The following VAV3 variants were observed in gnomAD, a reference collection of about 807,000 sequenced individuals.
The protein encoded by VAV3 is guanine nucleotide exchange factor VAV3.
VAV3 carries 94 observed loss-of-function variants against 131.2 expected under a neutral mutation model. The observed-to-expected ratio is 0.72, with a 90% confidence interval of 0.61 to 0.85. The LOEUF (loss-of-function observed/expected upper bound fraction) is 0.85, where lower values mean the gene tolerates loss of function less well. Ranked by LOEUF, VAV3 falls within the 40% of genes least tolerant of loss-of-function variation. The pLI, the probability that VAV3 is intolerant of heterozygous loss-of-function variation, is 0.00. For missense variants in VAV3, 939 were observed against 1,002.7 expected (o/e 0.94, Z 0.86); for synonymous variants, 349 against 342.0 (o/e 1.02, Z -0.22).
At chr1:107,705,406 G>T (rs1161053149) in intron 15 of VAV3, among the ~76,000 whole-genome samples, 1 of 150,388 alleles carries the variant, frequency 6.6e-6, no homozygotes, top group East Asian at 2.0e-4. Context: ...ATAGTTCCTT[G>T]TCTGTAGCCA....
rs1265860194 is a variant in VAV3 at position 107,757,246 on chromosome 1, A to G, written c.1086+15T>C. 1.9e-6 allele frequency: 3 copies of G among 1,608,110 alleles called. No individual in the cohort carries two copies. The highest frequency in any genetic ancestry group is 8.5e-7 in the Non-Finnish European group (1 of 1,177,886). On this transcript the variant is annotated intron_variant, in intron 11 of 26. Coordinates refer to ENST00000370056, the MANE Select transcript of VAV3 (RefSeq NM_006113.5). ...AATAAAAAATACAAACAAATTACTGATGAATCTGCCCTACCTTCATGGCAT... is the reference window on the plus strand; with the variant it reads ...AATAAAAAATACAAACAAATTACTGGTGAATCTGCCCTACCTTCATGGCAT...
At chr1:107,602,854 A>G (rs531776242) in intron 23 of VAV3, among the ~76,000 whole-genome samples, 193 bp downstream of exon 23, 1 of 152,328 alleles carries the variant, frequency 6.6e-6, no homozygotes, top group South Asian at 2.1e-4. Context: ...TAATATGCCA[A>G]TTAGCAACCT....
intron 2 of VAV3, among the ~76,000 whole-genome samples, chr1:107,802,710 C>T (rs1666882772): frequency 6.6e-6 from 1 of 152,026 alleles, no homozygotes; most frequent in Non-Finnish European, 1.5e-5. Flanking sequence ...AGTGAATGGT[C>T]TTTTTAATGT....
At chr1:107,591,621 G>C (rs926552357) in intron 25 of VAV3, among the ~76,000 whole-genome samples, 4 of 152,124 alleles carry the variant, frequency 2.6e-5, no homozygotes, top group African/African-American at 9.7e-5. Context: ...TTCAGATATA[G>C]CCAGCAAATG....
rs1184785412 is a variant in VAV3, at chr1:107,805,208, G to C, written c.322-25716C>G. 2.0e-5 allele frequency among the ~76,000 whole-genome samples: 3 copies of C among 152,054 alleles called. No homozygotes were observed. In the East Asian group the frequency reaches 5.8e-4, roughly 29 times the overall value. On this transcript the variant is annotated intron_variant, in intron 2 of 26. Coordinates refer to ENST00000370056, the MANE Select transcript of VAV3 (RefSeq NM_006113.5). ...GTGCCTAAATTTACCTCTTTCTCAAGTTTTGAAAAGTTGTCTACTGTTTCT... is the reference window on the plus strand; with the variant it reads ...GTGCCTAAATTTACCTCTTTCTCAACTTTTGAAAAGTTGTCTACTGTTTCT...
chr1:107,699,159 G>C (rs1659933508), intron 17 of VAV3, among the ~76,000 whole-genome samples: 1 of 152,192 alleles, frequency 6.6e-6, no homozygotes, highest in African/African-American at 2.4e-5. Flanking sequence ...TCTGAGACAA[G>C]GCAAGTCCCT....
At chr1:107,706,326 T>C (rs1263758216) in intron 15 of VAV3, among the ~76,000 whole-genome samples, 4 of 152,174 alleles carry the variant, frequency 2.6e-5, no homozygotes, top group Non-Finnish European at 5.9e-5. Flanking sequence ...AGATGCCTTA[T>C]GAAAAAACAT....
intron 1 of VAV3, among the ~76,000 whole-genome samples, chr1:107,933,907 A>T (rs774898485): frequency 3.9e-5 from 6 of 152,056 alleles, no homozygotes; most frequent in Non-Finnish European, 7.4e-5. Context: ...TTCCACAGTC[A>T]TAAGAGGAGT....
At chr1:107,868,426 C>T (rs1355651576) in intron 2 of VAV3, among the ~76,000 whole-genome samples, 1 of 152,090 alleles carries the variant, frequency 6.6e-6, no homozygotes, top group Non-Finnish European at 1.5e-5. Context: ...GCTCAGAAGC[C>T]TTTGCTTGGG....
intron 19 of VAV3, among the ~76,000 whole-genome samples, chr1:107,665,988 G>A (rs4471297): frequency 0.63 from 96,266 of 151,646 alleles, 31,426 homozygotes; most frequent in African/African-American, 0.79. Context: ...AATCAAAACA[G>A]GGAGGGGGAA....
intron 25 of VAV3, among the ~76,000 whole-genome samples, chr1:107,581,902 T>C (rs1229930802): frequency 1.3e-5 from 2 of 152,228 alleles, no homozygotes; most frequent in Admixed American, 1.3e-4. Flanking sequence ...CTAAGTATTT[T>C]TGAACTAATA....
chr1:107,729,254 A>G (rs1238908134), intron 15 of VAV3, among the ~76,000 whole-genome samples: 2 of 152,224 alleles, frequency 1.3e-5, no homozygotes, highest in Non-Finnish European at 1.5e-5. Context: ...TTTAATGCAT[A>G]TATATTATTA....
intron 25 of VAV3, among the ~76,000 whole-genome samples, chr1:107,575,964 T>G (rs535167830): frequency 4.9e-4 from 74 of 152,352 alleles, no homozygotes; most frequent in African/African-American, 1.8e-3. Flanking sequence ...TCTTTTCAAG[T>G]AATGTGTACT....
intron 1 of VAV3, among the ~76,000 whole-genome samples, chr1:107,956,751 G>A (rs1314408336): frequency 6.6e-6 from 1 of 152,042 alleles, no homozygotes; most frequent in African/African-American, 2.4e-5. Context: ...TGAGGTTAGG[G>A]ATCATGAACT....
chr1:107,889,250 T>C (rs1671202701), intron 1 of VAV3, among the ~76,000 whole-genome samples: 1 of 151,906 alleles, frequency 6.6e-6, no homozygotes, highest in Admixed American at 6.6e-5. Context: ...TATAATACTA[T>C]ACAATTGGGT....
intron 2 of VAV3, among the ~76,000 whole-genome samples, chr1:107,852,163 C>A (rs902744597): frequency 6.6e-6 from 1 of 152,064 alleles, no homozygotes; most frequent in Non-Finnish European, 1.5e-5. Context: ...GTACCTATAC[C>A]TTTAATAAAC....
chr1:107,723,784 C>G (rs1213623505), intron 15 of VAV3, among the ~76,000 whole-genome samples: 1 of 152,046 alleles, frequency 6.6e-6, no homozygotes, highest in Non-Finnish European at 1.5e-5. Flanking sequence ...TTGGTGGTAC[C>G]GTTGTTTTTC....
chr1:107,859,136 G>A (rs1360591390), intron 2 of VAV3, among the ~76,000 whole-genome samples: 1 of 151,038 alleles, frequency 6.6e-6, no homozygotes, highest in Non-Finnish European at 1.5e-5. Context: ...ACTCAGGCTG[G>A]AGTAGAGTGG....
chr1:107,617,671 T>A (rs1343218680), intron 20 of VAV3, 39 bp from the exon 21 acceptor site: 2 of 1,586,986 alleles, frequency 1.3e-6, no homozygotes, highest in Non-Finnish European at 1.7e-6. Context: ...GAGAACAAAT[T>A]TACCACAAAT....
Sources: gnomAD v4.1 joint callset for allele counts (sites outside exome capture counted in the v4.1 genomes callset) on GRCh38, gnomAD v4.1.1 for gene constraint, MANE v1.5 for transcripts, NCBI Gene and HGNC (gene_info 2026-07-23, HGNC 2026-07-21) for gene names.